The following PHKB variants were observed in gnomAD, a reference collection of about 807,000 sequenced individuals.
PHKB encodes phosphorylase b kinase regulatory subunit beta.
A neutral mutation model predicts 152.1 loss-of-function variants in PHKB; 122 were observed. The observed-to-expected ratio is 0.80, with a 90% CI of 0.69 to 0.93. The LOEUF (loss-of-function observed/expected upper bound fraction) is 0.93, where lower values mean the gene tolerates loss of function less well. Among genes scored for constraint, PHKB ranks in the 40% least tolerant of loss-of-function variants. The pLI is 0.00. For missense variants in PHKB, 1,304 were observed against 1,328.4 expected, an observed-to-expected ratio of 0.98 and a Z score of 0.29; for synonymous variants, 436 against 464.9, an observed-to-expected ratio of 0.94 and a Z score of 0.80.
intron 25 of PHKB, 138 bp from the exon 26 acceptor site, chr16:47,669,077 A>G: frequency 1.5e-6 from 1 of 667,486 alleles, no homozygotes; most frequent in South Asian, 1.7e-5. Flanking sequence ...AATAAATACC[A>G]GGAACAGTTA....
intron 26 of PHKB, among the ~76,000 whole-genome samples, chr16:47,674,639 C>T (rs1486893339): frequency 2.0e-5 from 3 of 152,190 alleles, no homozygotes; most frequent in Non-Finnish European, 4.4e-5. Flanking sequence ...TTTTGTCATA[C>T]TTTCAAGGTC....
At chr16:47,681,640 C>A (rs1486471378) in intron 26 of PHKB, among the ~76,000 whole-genome samples, 1 of 151,992 alleles carries the variant, frequency 6.6e-6, no homozygotes, top group African/African-American at 2.4e-5. Flanking sequence ...TTCCTCCATC[C>A]CTTTATTTTG....
chr16:47,587,343 T>C (rs1231340745), intron 8 of PHKB, among the ~76,000 whole-genome samples: 1 of 152,220 alleles, frequency 6.6e-6, no homozygotes, highest in Non-Finnish European at 1.5e-5. Context: ...TCATTCTTTG[T>C]CATGTTAGCT....
At chr16:47,667,810 G>A (rs762680738) in intron 25 of PHKB, among the ~76,000 whole-genome samples, 2 of 151,966 alleles carry the variant, frequency 1.3e-5, no homozygotes, top group Non-Finnish European at 2.9e-5. Flanking sequence ...GTGGGTTAGG[G>A]TTGGTTCTGT....
chr16:47,565,396 A>G lies in PHKB; in HGVS notation c.711-14899A>G, dbSNP rs1465546399. 5 of 1,131,316 alleles carry G rather than the reference A, an allele frequency of 4.4e-6. No individual in the cohort carries two copies. In the Admixed American group the frequency reaches 5.1e-5, roughly 12 times the overall value. 70.1% of individuals were successfully genotyped at this position (1,131,316 alleles called of 1,614,324 possible). Reference sequence around the variant, plus strand: ...GAGCTGGAGCTACTTTTCCCCCACCACTTGTAGGGATTGCTGCTCTGTATC... The same window carrying G: ...GAGCTGGAGCTACTTTTCCCCCACCGCTTGTAGGGATTGCTGCTCTGTATC... On this transcript the variant is annotated intron_variant, in intron 7 of 30. Transcript: ENST00000323584.
chr16:47,675,827 C>G (rs1973722673), intron 26 of PHKB: 1 of 152,202 alleles, frequency 6.6e-6, no homozygotes, highest in Non-Finnish European at 1.5e-5. Context: ...GACCTACGCC[C>G]ACAGCACTCT....
chr16:47,667,713 T>A (rs1488113670), intron 25 of PHKB, among the ~76,000 whole-genome samples: 1 of 152,194 alleles, frequency 6.6e-6, no homozygotes, highest in Non-Finnish European at 1.5e-5. Context: ...TTGTAGCATT[T>A]CTGAAAAGAG....
chr16:47,628,173 T>G (rs1296915991), intron 14 of PHKB, among the ~76,000 whole-genome samples: 1 of 152,188 alleles, frequency 6.6e-6, no homozygotes, highest in Non-Finnish European at 1.5e-5. Context: ...CTTGCCTTTC[T>G]TTCAATAAAA....
At chr16:47,644,797 T>C (rs1973087232) in intron 16 of PHKB, among the ~76,000 whole-genome samples, 1 of 152,288 alleles carries the variant, frequency 6.6e-6, no homozygotes, top group East Asian at 1.9e-4. Flanking sequence ...CAAAAAGCCA[T>C]TGAGGAAATG....
rs139264736 is a variant in PHKB at position 47,570,972 on chromosome 16, G to A, written c.711-9323G>A. On this transcript the variant is annotated intron_variant, in intron 7 of 30. Transcript: ENST00000323584. ...TGACTGGGTTCTTTTTTTTTCCCCC[G>A]TTAAGGATGTGACTTTAATGTGTAT... Among the ~76,000 whole-genome samples, 865 of 150,608 alleles carry A rather than the reference G, an allele frequency of 5.7e-3. 8 individuals are homozygous for A. The highest frequency in any genetic ancestry group is 0.02 in the African/African-American group (825 of 41,072).
chr16:47,594,647 GT>G (rs911396327), intron 12 of PHKB, among the ~76,000 whole-genome samples: 1 of 152,112 alleles, frequency 6.6e-6, no homozygotes, highest in African/African-American at 2.4e-5. Flanking sequence ...CCTTAGCATT[GT>G]ATTTTGAACA....
chr16:47,645,918 T>C, intron 16 of PHKB, among the ~76,000 whole-genome samples: 1 of 76,262 alleles, frequency 1.3e-5, no homozygotes, highest in Non-Finnish European at 2.6e-5. Context: ...AGGAACACTT[T>C]TACACTGTTG....
chr16:47,660,906 G>T, intron 22 of PHKB, 87 bp downstream of exon 22: 1 of 1,319,030 alleles, frequency 7.6e-7, no homozygotes, highest in Non-Finnish European at 1.1e-6. Context: ...TTTTTGTCCT[G>T]TCAGTGAAGG....
chr16:47,555,018 C>T (rs1037973658), intron 7 of PHKB, among the ~76,000 whole-genome samples: 2 of 152,306 alleles, frequency 1.3e-5, no homozygotes, highest in South Asian at 2.1e-4. Flanking sequence ...ATGTTCTATT[C>T]TCTTCGCTTT....
At chr16:47,566,705 C>T (rs1971573593) in intron 7 of PHKB, 1 of 786,432 alleles carries the variant, frequency 1.3e-6, no homozygotes, top group Non-Finnish European at 2.3e-6. Context: ...TTGGAGGTGC[C>T]CTATACACAT....
chr16:47,488,794 A>G (rs529914303), intron 1 of PHKB, among the ~76,000 whole-genome samples: 1 of 152,104 alleles, frequency 6.6e-6, no homozygotes. Flanking sequence ...AGCCTGTTCC[A>G]TTGGTCTATG....
chr16:47,464,526 C>T (rs1042467473), intron 1 of PHKB, among the ~76,000 whole-genome samples: 3 of 152,154 alleles, frequency 2.0e-5, no homozygotes, highest in African/African-American at 7.2e-5. Flanking sequence ...GGCACAATGG[C>T]TCTTAGACCG....
At chr16:47,627,897 T>C (rs1387386333) in intron 14 of PHKB, among the ~76,000 whole-genome samples, 7 of 152,116 alleles carry the variant, frequency 4.6e-5, no homozygotes, top group African/African-American at 2.4e-5. Flanking sequence ...ATACTGGGGG[T>C]GCAGTGTTTC....
chr16:47,634,263 A>G (rs1567335405), intron 14 of PHKB, among the ~76,000 whole-genome samples: 1 of 152,220 alleles, frequency 6.6e-6, no homozygotes, highest in Admixed American at 6.5e-5. Context: ...AAAGTTTGCA[A>G]ATATTTTACA....
Sources: allele counts gnomAD v4.1 joint callset (sites outside exome capture counted in the v4.1 genomes callset), GRCh38; gene constraint gnomAD v4.1.1; transcripts MANE v1.5; gene names NCBI Gene and HGNC (gene_info 2026-07-23, HGNC 2026-07-21).